ULK4: variants seen among roughly 807,000 people sequenced by gnomAD.
ULK4 encodes inactive serine/threonine-protein kinase ULK4.
In ULK4, 133 loss-of-function variants were observed where a neutral mutation model predicts 160.6. That is an observed-to-expected ratio of 0.83 (90% CI 0.72 to 0.96). The LOEUF is 0.96. Ranked by LOEUF, ULK4 falls within the 40% of genes least tolerant of loss-of-function variation. The probability of loss-of-function intolerance (pLI) is 0.00; values close to 1 mark genes in which losing one functional copy is unlikely to be tolerated. For missense variants in ULK4, 1,580 were observed against 1,499.5 expected (o/e 1.05, Z -0.89); for synonymous variants, 534 against 539.8 (o/e 0.99, Z 0.15).
intron 21 of ULK4, among the ~76,000 whole-genome samples, chr3:41,768,397 A>G (rs2125915906): frequency 6.6e-6 from 1 of 152,310 alleles, no homozygotes; most frequent in East Asian, 1.9e-4. Context: ...ATATGGGGAA[A>G]AGAAAAGTGG....
chr3:41,950,180 A>G lies in ULK4; in HGVS notation c.138+4442T>C, dbSNP rs1160902521. 2.0e-5 allele frequency among the ~76,000 whole-genome samples: 3 copies of G among 151,048 alleles called. No individual in the cohort carries two copies. The East Asian group carries it at 5.9e-4, about 30-fold the overall frequency. On this transcript the variant is annotated intron_variant, in intron 2 of 36. Coordinates refer to ENST00000301831, the MANE Select transcript of ULK4 (RefSeq NM_017886.4). ...TGGCTCACTGCGACCCCTGCCATCC[A>G]GGCTCAAACAATCCTCCCACCTCAC...
chr3:41,307,849 T>C (rs2079978643), intron 35 of ULK4, among the ~76,000 whole-genome samples: 1 of 142,710 alleles, frequency 7.0e-6, no homozygotes, highest in African/African-American at 2.7e-5. Flanking sequence ...TACATACACA[T>C]ATAATATATA....
intron 35 of ULK4, among the ~76,000 whole-genome samples, chr3:41,387,076 T>G (rs1279934849): frequency 3.9e-5 from 6 of 152,088 alleles, no homozygotes; most frequent in Non-Finnish European, 8.8e-5. Flanking sequence ...AGGCAGTATA[T>G]TTCTTTTTTT....
chr3:41,496,211 A>G (rs1424550454), intron 32 of ULK4, among the ~76,000 whole-genome samples: 1 of 152,148 alleles, frequency 6.6e-6, no homozygotes, highest in Non-Finnish European at 1.5e-5. Context: ...CTCTTAAATA[A>G]ATGAATAAAT....
chr3:41,383,055 C>T (rs1029629630), intron 35 of ULK4, among the ~76,000 whole-genome samples: 1 of 151,244 alleles, frequency 6.6e-6, no homozygotes, highest in South Asian at 2.1e-4. Flanking sequence ...ATTGCCATTG[C>T]TGTTTACAAC....
At chr3:41,615,870 T>A (rs1187730931) in intron 30 of ULK4, among the ~76,000 whole-genome samples, 153 bp from the exon 31 acceptor site, 1 of 152,216 alleles carries the variant, frequency 6.6e-6, no homozygotes, top group Non-Finnish European at 1.5e-5. Context: ...GACACTGAAC[T>A]ATAGCTATTA....
intron 35 of ULK4, among the ~76,000 whole-genome samples, chr3:41,331,325 G>A (rs546092595): frequency 9.2e-5 from 14 of 152,282 alleles, no homozygotes; most frequent in East Asian, 5.8e-4. Context: ...TTCACACTGG[G>A]TGTGTACTCT....
chr3:41,816,173 C>T (rs2040957708), intron 19 of ULK4, among the ~76,000 whole-genome samples: 1 of 151,890 alleles, frequency 6.6e-6, no homozygotes, highest in South Asian at 2.1e-4. Flanking sequence ...ATTAAGAACT[C>T]CTGCCTATCA....
At chr3:41,751,418 G>A (rs1439600917) in intron 22 of ULK4, among the ~76,000 whole-genome samples, 1 of 152,160 alleles carries the variant, frequency 6.6e-6, no homozygotes, top group Non-Finnish European at 1.5e-5. Context: ...CACCATCTCT[G>A]CCACACAGTG....
At chr3:41,257,948 CT>C (rs1181705826) in intron 35 of ULK4, among the ~76,000 whole-genome samples, 4 of 152,084 alleles carry the variant, frequency 2.6e-5, no homozygotes, top group South Asian at 2.1e-4. Flanking sequence ...TTGAATTTAC[CT>C]TGCTAAATTA....
At chr3:41,667,036 A>G (rs2035370291) in intron 29 of ULK4, among the ~76,000 whole-genome samples, 1 of 151,970 alleles carries the variant, frequency 6.6e-6, no homozygotes. Context: ...AACCTATAGT[A>G]CTAGCTATTC....
At chr3:41,528,532 T>C (rs1378107581) in intron 32 of ULK4, among the ~76,000 whole-genome samples, 1 of 152,198 alleles carries the variant, frequency 6.6e-6, no homozygotes, top group Non-Finnish European at 1.5e-5. Context: ...AGTATTATTA[T>C]GGCCACTTTA....
chr3:41,386,824 T>C (rs147607705), intron 35 of ULK4, among the ~76,000 whole-genome samples: 16 of 152,296 alleles, frequency 1.1e-4, no homozygotes, highest in Non-Finnish European at 1.6e-4. Flanking sequence ...CATGTTCAGA[T>C]GGATCTTAAG....
At chr3:41,716,395 A>G (rs533201359) in intron 23 of ULK4, among the ~76,000 whole-genome samples, 3 of 152,242 alleles carry the variant, frequency 2.0e-5, no homozygotes, top group African/African-American at 7.2e-5. Flanking sequence ...GGACATCAGA[A>G]TCTTATCGCC....
chr3:41,849,879 T>G (rs963199286), intron 17 of ULK4, among the ~76,000 whole-genome samples: 21 of 152,186 alleles, frequency 1.4e-4, no homozygotes, highest in African/African-American at 4.8e-5. Context: ...TTGTTACATA[T>G]GTATACATGT....
At chr3:41,445,281 G>A (rs1348197309) in intron 34 of ULK4, among the ~76,000 whole-genome samples, 1 of 152,134 alleles carries the variant, frequency 6.6e-6, no homozygotes, top group Non-Finnish European at 1.5e-5. Flanking sequence ...TCAATATCGT[G>A]AAAATGGCCA....
intron 32 of ULK4, among the ~76,000 whole-genome samples, chr3:41,469,622 A>AAAAAAC (rs2083924003): frequency 1.3e-5 from 2 of 148,870 alleles, no homozygotes; most frequent in Non-Finnish European, 3.0e-5. Flanking sequence ...AAAAAAAAAA[A>AAAAAAC]AAAAACACCT....
At chr3:41,558,597 G>C (rs141099068) in intron 32 of ULK4, among the ~76,000 whole-genome samples, 1 of 151,824 alleles carries the variant, frequency 6.6e-6, no homozygotes, top group African/African-American at 2.4e-5. Context: ...CCAGCTACTC[G>C]GGAGGCTGAG....
intron 2 of ULK4, among the ~76,000 whole-genome samples, chr3:41,940,191 C>T (rs1406295848): frequency 1.3e-5 from 2 of 152,096 alleles, no homozygotes; most frequent in Non-Finnish European, 2.9e-5. Context: ...ACACGAAGCG[C>T]CAGGCCCCTC....
Sources: gnomAD v4.1 joint callset for allele counts (sites outside exome capture counted in the v4.1 genomes callset) on GRCh38, gnomAD v4.1.1 for gene constraint, MANE v1.5 for transcripts, NCBI Gene and HGNC (gene_info 2026-07-23, HGNC 2026-07-21) for gene names.